PCDHA6: variants seen among roughly 807,000 people sequenced by gnomAD.
PCDHA6 encodes protocadherin alpha-6.
Under a neutral mutation model 60.3 loss-of-function variants are expected in PCDHA6, and 55 were observed. The ratio of observed to expected loss-of-function variants is 0.91; its 90% CI spans 0.73 to 1.14. The LOEUF (loss-of-function observed/expected upper bound fraction) is 1.14. Among genes scored for constraint, PCDHA6 ranks in the 50% most tolerant of loss-of-function variants. The pLI is 0.00. For synonymous variants in PCDHA6, 652 were observed against 557.9 expected, an observed-to-expected ratio of 1.17 and a Z score of -2.38; for missense variants, 1,327 against 1,256.5, an observed-to-expected ratio of 1.06 and a Z score of -0.85.
At chr5:140,947,299 C>T (rs547529076) in intron 1 of PCDHA6, among the ~76,000 whole-genome samples, 1 of 151,554 alleles carries the variant, frequency 6.6e-6, no homozygotes, top group South Asian at 2.1e-4. Context: ...ATTATCTTGA[C>T]ATCTTTGTAA....
intron 3 of PCDHA6, among the ~76,000 whole-genome samples, chr5:140,996,991 T>C (rs191353108): frequency 1.6e-4 from 25 of 152,346 alleles, no homozygotes; most frequent in African/African-American, 5.3e-4. Flanking sequence ...GCAACCACTG[T>C]TAACAATTTT....
At chr5:140,880,068 A>G (rs2058226577) in intron 1 of PCDHA6, among the ~76,000 whole-genome samples, 1 of 152,252 alleles carries the variant, frequency 6.6e-6, no homozygotes, top group South Asian at 2.1e-4. Flanking sequence ...TTTGGGGACC[A>G]CAATTCAACC....
At chr5:140,984,228 G>A (rs374551349) in intron 3 of PCDHA6, among the ~76,000 whole-genome samples, 180 of 152,262 alleles carry the variant, frequency 1.2e-3, no homozygotes, top group African/African-American at 4.0e-3. Context: ...TTGCTCTTAT[G>A]GAGGCATTGT....
rs1475492730 is a variant in PCDHA6 at position 140,829,347 on chromosome 5, C to G, written c.1256C>G (p.Ser419Trp). Reference sequence around the variant, plus strand: ...AGTGCCCTGGACCGCGAGAGCGTGTCGGCCTATGAGTTGGTGGTAACCGCG... The same window carrying G: ...AGTGCCCTGGACCGCGAGAGCGTGTGGGCCTATGAGTTGGTGGTAACCGCG... ...LDSALDRESV[S>W]AYELVVTARD... The change falls in exon 1 of 4, where the codon TCG becomes TGG. Residue 419 changes from serine to tryptophan, a missense_variant. By Grantham distance (177) the Ser-to-Trp change is radical. Coordinates refer to ENST00000529310, the MANE Select transcript of PCDHA6 (RefSeq NM_018909.4). 2 of 1,614,232 alleles carry G rather than the reference C, an allele frequency of 1.2e-6. No homozygotes were observed. The highest frequency in any genetic ancestry group is 1.7e-6 in the Non-Finnish European group (2 of 1,180,052).
intron 1 of PCDHA6, chr5:140,864,423 CACAA>C (rs1165677153): frequency 1.8e-4 from 27 of 152,176 alleles, no homozygotes; most frequent in Non-Finnish European, 3.4e-4. Flanking sequence ...CAGCTTCGTC[CACAA>C]ACAATTTTGT....
Position 140,870,628 on chromosome 5 carries a change from G to A in PCDHA6, c.2394+40143G>A. The A allele has an allele frequency of 4.3e-6, 7 of 1,613,050 alleles. No individual in the cohort carries two copies. The highest frequency in any genetic ancestry group is 5.9e-6 in the Non-Finnish European group (7 of 1,179,794). Reference sequence around the variant, plus strand: ...CCGCGCGCTGTCGAGCTACGTGTCGGTGCACGCGGAGAGCGGCAAGGTGTA... The same window carrying A: ...CCGCGCGCTGTCGAGCTACGTGTCGATGCACGCGGAGAGCGGCAAGGTGTA... On this transcript the variant is annotated intron_variant, in intron 1 of 3. Transcript: ENST00000529310.
intron 1 of PCDHA6, among the ~76,000 whole-genome samples, chr5:140,961,681 G>A (rs911141843): frequency 3.9e-5 from 6 of 152,152 alleles, no homozygotes; most frequent in African/African-American, 9.7e-5. Context: ...TAATTAAGCC[G>A]GAGTAGTCCT....
At chr5:140,954,237 A>G (rs1442141242) in intron 1 of PCDHA6, among the ~76,000 whole-genome samples, 14 of 152,338 alleles carry the variant, frequency 9.2e-5, no homozygotes, top group Middle Eastern at 3.4e-3. Flanking sequence ...TAGTGCTGCA[A>G]TGAACATACA....
In PCDHA6 at chr5:140,829,959, G is replaced by A. The variant is rs2150178613; in HGVS notation, c.1868G>A (p.Arg623His). The change falls in exon 1 of 4, where the codon CGC (arginine) becomes CAC (histidine). Residue 623 changes from arginine (R) to histidine (H), a missense_variant. Transcript: ENST00000529310. ...PPASSARFPF[R>H]VGLYTGEIST... ...GCAAGCAGCGCTCGCTTCCCGTTTC[G>A]CGTGGGGCTGTACACGGGCGAGATC... 1 of 1,613,960 alleles carries A rather than the reference G, an allele frequency of 6.2e-7. No individual in the cohort carries two copies. The highest frequency in any genetic ancestry group is 8.5e-7 in the Non-Finnish European group (1 of 1,179,910).
intron 1 of PCDHA6, among the ~76,000 whole-genome samples, chr5:140,959,390 A>G (rs1554224055): frequency 6.6e-6 from 1 of 152,146 alleles, no homozygotes; most frequent in African/African-American, 2.4e-5. Context: ...AAAAGTCACA[A>G]ATTAAGATAA....
chr5:141,010,188 T>G lies in PCDHA6; in HGVS notation c.*251T>G. 6.4e-7 allele frequency: 1 copy of G among 1,553,070 alleles called. No individual in the cohort carries two copies. On this transcript the variant is annotated 3_prime_UTR_variant, in exon 4 of 4. Coordinates refer to ENST00000529310, the MANE Select transcript of PCDHA6 (RefSeq NM_018909.4). ...CAGAACCTAAAAAGCAGACCCAAGT[T>G]TCCTTTCTCCTCCGCCGCAAAGGAG...
intron 1 of PCDHA6, chr5:140,927,190 G>A (rs1554204161): frequency 6.2e-7 from 1 of 1,614,156 alleles, no homozygotes; most frequent in South Asian, 1.1e-5. Context: ...CTACGACCTG[G>A]TGCTCGAGGA....
intron 1 of PCDHA6, chr5:140,967,982 G>T (rs1563372383): frequency 1.9e-6 from 3 of 1,614,224 alleles, no homozygotes; most frequent in Non-Finnish European, 2.5e-6. Context: ...GGGTCTGGAG[G>T]CCACACTGCC....
chr5:140,955,956 G>C (rs2095241724), intron 1 of PCDHA6, among the ~76,000 whole-genome samples: 1 of 152,050 alleles, frequency 6.6e-6, no homozygotes, highest in Admixed American at 6.6e-5. Flanking sequence ...CTTGCTTGTT[G>C]TTTGTGCATA....
rs150074715 is a variant in PCDHA6, at chr5:140,835,873, T to G, written c.2394+5388T>G. The G allele has an allele frequency of 6.4e-4, 1,037 of 1,611,964 alleles. 10 individuals carry two copies. Among genetic ancestry groups the G allele is most frequent in the Admixed American group, 1.9e-3 (111 of 59,998 alleles). On this transcript the variant is annotated intron_variant, in intron 1 of 3. Transcript: ENST00000529310. Reference sequence around the variant, plus strand: ...CTGGTGTCCTACTCGCTGGTGGAGCTGCGGGTGGGCGAGCGCGCGCTGTCG... The same window carrying G: ...CTGGTGTCCTACTCGCTGGTGGAGCGGCGGGTGGGCGAGCGCGCGCTGTCG...
intron 1 of PCDHA6, among the ~76,000 whole-genome samples, chr5:140,892,286 C>A (rs2063458721): frequency 1.3e-5 from 2 of 152,136 alleles, no homozygotes; most frequent in South Asian, 4.1e-4. Flanking sequence ...TTAAACACTT[C>A]TTCCTGGAAA....
At chr5:140,830,710 C>A in intron 1 of PCDHA6, 1 of 247,822 alleles carries the variant, frequency 4.0e-6, no homozygotes, top group East Asian at 8.1e-5. Flanking sequence ...GAATTTTTGT[C>A]TTCAAACCAA....
At chr5:140,847,743 C>T (rs2150239198) in intron 1 of PCDHA6, 1 of 149,792 alleles carries the variant, frequency 6.7e-6, no homozygotes, top group East Asian at 1.9e-4. Flanking sequence ...TATTTTCTCC[C>T]CACGCAACAC....
chr5:140,841,896 T>A (rs2150325058), intron 1 of PCDHA6: 2 of 1,613,838 alleles, frequency 1.2e-6, no homozygotes, highest in Middle Eastern at 1.6e-4. Context: ...AATAAACTGG[T>A]TGAGCTCGTA....
Sources: allele counts gnomAD v4.1 joint callset (sites outside exome capture counted in the v4.1 genomes callset), GRCh38; gene constraint gnomAD v4.1.1; transcripts MANE v1.5; gene names NCBI Gene and HGNC (gene_info 2026-07-23, HGNC 2026-07-21).